The following KLF8 variants were observed in gnomAD, a reference collection of about 807,000 sequenced individuals.
KLF8 encodes the protein Krueppel-like factor 8.
In KLF8, 10 loss-of-function variants were observed where a neutral mutation model predicts 18.2. The ratio of observed to expected loss-of-function variants is 0.55; its 90% CI spans 0.34 to 0.93. KLF8 has a LOEUF of 0.93. KLF8 is among the 40% of genes least tolerant of loss of function. KLF8 has a pLI of 0.02. For missense variants in KLF8, 264 were observed against 277.9 expected (o/e 0.95, Z 0.36); for synonymous variants, 109 against 97.3 (o/e 1.12, Z -0.71).
chrX:56,162,549 G>A, the KLF8 span, among the ~76,000 whole-genome samples: 1 of 111,695 alleles, frequency 9.0e-6, no homozygotes, highest in Non-Finnish European at 1.9e-5. Context: ...AGGCTCTGTG[G>A]GCATGGGACC....
chrX:56,008,356 C>T, the KLF8 span, among the ~76,000 whole-genome samples: 1 of 109,646 alleles, frequency 9.1e-6, no homozygotes, highest in Non-Finnish European at 1.9e-5. Flanking sequence ...ACTGACGAGG[C>T]AGTTAGCATG....
chrX:56,194,132 A>G, the KLF8 span, among the ~76,000 whole-genome samples: 1 of 110,838 alleles, frequency 9.0e-6, no homozygotes, highest in African/African-American at 3.3e-5. Context: ...TCCAGGCTGC[A>G]GCTCCCAGCG....
chrX:55,977,488 A>G, the KLF8 span, among the ~76,000 whole-genome samples: 6 of 54,197 alleles, frequency 1.1e-4, no homozygotes, highest in African/African-American at 2.1e-4. Context: ...CTTGCAATGC[A>G]TCCTTCGTGT....
At chrX:56,006,007 G>A in the KLF8 span, among the ~76,000 whole-genome samples, 1 of 112,532 alleles carries the variant, frequency 8.9e-6, no homozygotes, top group Admixed American at 9.3e-5. Context: ...AACAGACAGG[G>A]GCATTCAGGT....
chrX:56,175,570 T>C, the KLF8 span, among the ~76,000 whole-genome samples: 242 of 111,788 alleles, frequency 2.2e-3, 1 homozygote, highest in Middle Eastern at 9.2e-3. Flanking sequence ...GAATATATAT[T>C]CTGTTGATTT....
chrX:56,033,606 A>G, the KLF8 span, among the ~76,000 whole-genome samples: 1 of 111,828 alleles, frequency 8.9e-6, no homozygotes, highest in Non-Finnish European at 1.9e-5. Flanking sequence ...CTTTTTTATA[A>G]TGGCTGTAAT....
At chrX:55,982,120 A>G in the KLF8 span, among the ~76,000 whole-genome samples, 1 of 111,375 alleles carries the variant, frequency 9.0e-6, no homozygotes, top group Non-Finnish European at 1.9e-5. Flanking sequence ...GAAAGCAAGC[A>G]GGGATTCAGT....
At chrX:56,099,117 G>T in the KLF8 span, among the ~76,000 whole-genome samples, 14 of 111,726 alleles carry the variant, frequency 1.3e-4, no homozygotes, top group Non-Finnish European at 2.4e-4. Context: ...ATCCTATGTT[G>T]AGCAAGTTTA....
At chrX:56,134,329 A>G in the KLF8 span, among the ~76,000 whole-genome samples, 3 of 112,021 alleles carry the variant, frequency 2.7e-5, no homozygotes, top group Admixed American at 2.8e-4. Context: ...ACATGGACCA[A>G]TGGGACAGAA....
At chrX:56,279,259 C>T (rs1569192439) in intron 5 of KLF8, among the ~76,000 whole-genome samples, 1 of 111,080 alleles carries the variant, frequency 9.0e-6, no homozygotes, top group African/African-American at 3.3e-5. Context: ...CTTGTTGGGG[C>T]ATGATTGGTA....
chrX:56,260,332 C>T (rs951312730), intron 2 of KLF8, among the ~76,000 whole-genome samples: 14 of 111,511 alleles, frequency 1.3e-4, no homozygotes, highest in Admixed American at 1.2e-3. Flanking sequence ...ATATATTTTC[C>T]AATGTACAGT....
chrX:56,144,081 G>A, the KLF8 span, among the ~76,000 whole-genome samples: 3 of 112,029 alleles, frequency 2.7e-5, no homozygotes, highest in South Asian at 3.7e-4. Context: ...AATCAGTAGT[G>A]AACAGTTTCT....
chrX:56,243,573 G>C (rs1173688806), intron 1 of KLF8, among the ~76,000 whole-genome samples: 2 of 74,423 alleles, frequency 2.7e-5, no homozygotes, highest in Non-Finnish European at 4.6e-5. Flanking sequence ...GTCTCACTCT[G>C]TCTCCCAGAC....
chrX:56,137,558 G>A, the KLF8 span, among the ~76,000 whole-genome samples: 1 of 94,875 alleles, frequency 1.1e-5, no homozygotes, highest in Non-Finnish European at 2.0e-5. Flanking sequence ...TGAACAATGA[G>A]AACACAGGGA....
Position 56,287,226 on chromosome X carries a change from A to C in KLF8, c.*2732A>C, listed in dbSNP as rs1343292418. The C allele has an allele frequency of 8.9e-6, 1 of 111,816 alleles. No individual in the cohort carries two copies. The highest frequency in any genetic ancestry group is 1.9e-5 in the Non-Finnish European group (1 of 53,180). The allele number at this position is 111,816 out of a possible 1,213,427, so 9.2% of individuals were successfully genotyped here. A position where few individuals can be genotyped will look rare whatever the true frequency, so the allele number is the denominator to read the frequency against. The stretch of plus-strand genomic sequence containing the variant: ...TGTTTGTTAATTGCCTATAGTAAAG[A>C]AGCAATTTTAAGCCTATTCTCATTT... On this transcript the variant is annotated 3_prime_UTR_variant, in exon 6 of 6. Coordinates refer to ENST00000468660, the MANE Select transcript of KLF8 (RefSeq NM_007250.5).
the KLF8 span, among the ~76,000 whole-genome samples, chrX:55,972,804 A>G: frequency 8.9e-6 from 1 of 112,185 alleles, no homozygotes; most frequent in African/African-American, 3.2e-5. Context: ...AGCAATTTAC[A>G]GATCGAATTC....
At chrX:56,048,508 C>A in the KLF8 span, among the ~76,000 whole-genome samples, 392 of 111,863 alleles carry the variant, frequency 3.5e-3, no homozygotes, top group African/African-American at 0.012. Flanking sequence ...TTCCCAGCAC[C>A]ATTTATTAAA....
chrX:55,943,535 G>A, the KLF8 span, among the ~76,000 whole-genome samples: 2 of 111,395 alleles, frequency 1.8e-5, no homozygotes, highest in East Asian at 2.8e-4. Flanking sequence ...TTCAGATTTC[G>A]CTTCTTATCC....
the KLF8 span, among the ~76,000 whole-genome samples, chrX:56,095,212 A>G: frequency 8.9e-6 from 1 of 112,131 alleles, no homozygotes; most frequent in Non-Finnish European, 1.9e-5. Context: ...ACAAAAATAT[A>G]TACTGGGGAA....
Sources: gnomAD v4.1 joint callset for allele counts (sites outside exome capture counted in the v4.1 genomes callset) on GRCh38, gnomAD v4.1.1 for gene constraint, MANE v1.5 for transcripts, NCBI Gene and HGNC (gene_info 2026-07-23, HGNC 2026-07-21) for gene names.